The following PHF24 variants were observed in gnomAD, a reference collection of about 807,000 sequenced individuals.
PHF24 encodes PHD finger protein 24.
Under a neutral mutation model 42.6 loss-of-function variants are expected in PHF24, and 25 were observed. The ratio of observed to expected loss-of-function variants is 0.59; its 90% CI spans 0.43 to 0.82. The LOEUF (loss-of-function observed/expected upper bound fraction) is 0.82, where lower values mean the gene tolerates loss of function less well. Ranked by LOEUF, PHF24 falls within the 40% of genes least tolerant of loss-of-function variation. PHF24 has a pLI of 0.00. For synonymous variants in PHF24, 185 were observed against 204.8 expected, an observed-to-expected ratio of 0.90 and a Z score of 0.83; for missense variants, 470 against 538.1, an observed-to-expected ratio of 0.87 and a Z score of 1.25.
the PHF24 span, among the ~76,000 whole-genome samples, chr9:34,794,555 A>C: frequency 7.9e-5 from 12 of 152,236 alleles, no homozygotes; most frequent in African/African-American, 2.7e-4. Flanking sequence ...TATTATAAAA[A>C]TGTTCCAACA....
chr9:34,855,964 A>G, the PHF24 span, among the ~76,000 whole-genome samples: 2 of 152,118 alleles, frequency 1.3e-5, no homozygotes, highest in Non-Finnish European at 2.9e-5. Context: ...GAGATTTCAT[A>G]CATTCCTTTT....
upstream of PHF24, among the ~76,000 whole-genome samples, chr9:34,958,081 C>G (rs1385679985): frequency 6.7e-6 from 1 of 149,664 alleles, no homozygotes; most frequent in Non-Finnish European, 1.5e-5. This position sits in a 1 kb window ranked among gnomAD's most constrained non-coding sequence, Gnocchi z 4.5. Flanking sequence ...GCCGGTCACC[C>G]GCCGCCCGCG....
chr9:34,666,721 G>T, the PHF24 span, among the ~76,000 whole-genome samples: 1 of 152,158 alleles, frequency 6.6e-6, no homozygotes, highest in Non-Finnish European at 1.5e-5. Context: ...GCCGAGGTGG[G>T]TGGATCACGA....
the PHF24 span, among the ~76,000 whole-genome samples, chr9:34,929,822 GC>G: frequency 6.6e-6 from 1 of 152,100 alleles, no homozygotes; most frequent in Non-Finnish European, 1.5e-5. Flanking sequence ...ACCTAAGATG[GC>G]CTCCCCGACT....
chr9:34,945,042 C>T, the PHF24 span, among the ~76,000 whole-genome samples: 1 of 152,214 alleles, frequency 6.6e-6, no homozygotes, highest in Non-Finnish European at 1.5e-5. Flanking sequence ...GCCAACTCCA[C>T]TGTCTTTGTA....
the PHF24 span, among the ~76,000 whole-genome samples, chr9:34,859,156 C>A: frequency 6.6e-6 from 1 of 152,012 alleles, no homozygotes; most frequent in Non-Finnish European, 1.5e-5. Context: ...CTGCTTGGGG[C>A]CTTTTACAGT....
At chr9:34,736,667 A>G in the PHF24 span, among the ~76,000 whole-genome samples, 5 of 152,228 alleles carry the variant, frequency 3.3e-5, no homozygotes. Context: ...AGAGAATACT[A>G]ACCAGGGTAA....
chr9:34,681,122 T>C, the PHF24 span: 1 of 152,230 alleles, frequency 6.6e-6, no homozygotes, highest in African/African-American at 2.4e-5. Flanking sequence ...TGTGTTGAGA[T>C]GAAGAGGCTG....
the PHF24 span, among the ~76,000 whole-genome samples, chr9:34,688,232 C>T: frequency 6.6e-6 from 1 of 152,140 alleles, no homozygotes; most frequent in Non-Finnish European, 1.5e-5. Context: ...ACCTCTCTTC[C>T]CAAGCAAGGG....
the PHF24 span, among the ~76,000 whole-genome samples, chr9:34,872,357 T>G: frequency 1.4e-5 from 1 of 69,492 alleles, no homozygotes; most frequent in Non-Finnish European, 2.6e-5. Flanking sequence ...CCCTCCCCCC[T>G]CCCCCCACCC....
At chr9:34,726,268 G>A in the PHF24 span, 3 of 1,531,116 alleles carry the variant, frequency 2.0e-6, no homozygotes, top group South Asian at 1.2e-5. Context: ...ACAATGGTGG[G>A]TTTGGCATAA....
chr9:34,972,288 T>C, intron 2 of PHF24, 58 bp from the exon 3 acceptor site: 1 of 1,497,884 alleles, frequency 6.7e-7, no homozygotes, highest in Non-Finnish European at 9.1e-7. Flanking sequence ...CTTAGTGGCC[T>C]TGGAATCTTG....
chr9:34,837,783 A>C, the PHF24 span: 1 of 904,096 alleles, frequency 1.1e-6, no homozygotes, highest in East Asian at 2.7e-5. Flanking sequence ...TTTATTTTCC[A>C]CTCCCTTTCT....
At chr9:34,744,428 A>G in the PHF24 span, among the ~76,000 whole-genome samples, 1 of 152,208 alleles carries the variant, frequency 6.6e-6, no homozygotes, top group African/African-American at 2.4e-5. Context: ...ATGGCCAACT[A>G]CAAAGTAGGT....
the PHF24 span, among the ~76,000 whole-genome samples, chr9:34,736,704 A>G: frequency 1.3e-5 from 2 of 152,236 alleles, no homozygotes; most frequent in Admixed American, 6.5e-5. Flanking sequence ...CTAGACATGT[A>G]TTATTTGAAC....
At chr9:34,715,040 G>T in the PHF24 span, among the ~76,000 whole-genome samples, 1 of 152,060 alleles carries the variant, frequency 6.6e-6, no homozygotes, top group Non-Finnish European at 1.5e-5. Flanking sequence ...TCAGGGAGAT[G>T]TTACATCCTG....
the PHF24 span, among the ~76,000 whole-genome samples, chr9:34,751,249 C>T: frequency 6.6e-6 from 1 of 152,054 alleles, no homozygotes; most frequent in Non-Finnish European, 1.5e-5. Context: ...CCTATAATTC[C>T]AGATACTTGG....
At chr9:34,788,764 G>A in the PHF24 span, among the ~76,000 whole-genome samples, 8 of 152,108 alleles carry the variant, frequency 5.3e-5, no homozygotes, top group South Asian at 4.2e-4. Context: ...AATCTCACAC[G>A]CCAGAGACCA....
At chr9:34,746,008 T>G in the PHF24 span, among the ~76,000 whole-genome samples, 11 of 152,148 alleles carry the variant, frequency 7.2e-5, no homozygotes, top group Non-Finnish European at 1.3e-4. Flanking sequence ...GAAAGCTTAC[T>G]GAAGTGAGCC....
Sources: allele counts gnomAD v4.1 joint callset (sites outside exome capture counted in the v4.1 genomes callset), GRCh38; gene constraint gnomAD v4.1.1; non-coding constraint Gnocchi (gnomAD v3.1); transcripts MANE v1.5; gene names NCBI Gene and HGNC (gene_info 2026-07-23, HGNC 2026-07-21).